Variants in P4HA1 observed in about 807,000 individuals in gnomAD.
The protein encoded by P4HA1 is prolyl 4-hydroxylase subunit alpha 1.
A neutral mutation model predicts 72.8 loss-of-function variants in P4HA1; 24 were observed. The observed-to-expected ratio is 0.33, with a 90% CI of 0.24 to 0.46. The LOEUF is 0.46. Ranked by LOEUF, P4HA1 falls within the 20% of genes least tolerant of loss-of-function variation. The pLI, the probability that P4HA1 is intolerant of heterozygous loss-of-function variation, is 1.00. For missense variants in P4HA1, 446 were observed against 640.6 expected (o/e 0.70, Z 3.28); for synonymous variants, 201 against 218.8 (o/e 0.92, Z 0.72).
At position 73,014,216 on chromosome 10, in the gene P4HA1, C is replaced by A. The variant is rs201349506; in HGVS notation, c.1368+8G>T. ...CAACTTAATCTAAAAATTTTAGTGA[C>A]GACTTACATAAAACAGCCATGTAGC... On this transcript the variant is annotated splice_region_variant and intron_variant, in intron 12 of 14. Coordinates refer to ENST00000394890, the MANE Select transcript of P4HA1 (RefSeq NM_001017962.3). 11 of 1,592,632 alleles carry A rather than the reference C, an allele frequency of 6.9e-6. No homozygotes were observed. In the Admixed American group the frequency reaches 1.5e-4, roughly 22 times the overall value.
chr10:73,081,283 A>G (rs1841817174), intron 1 of P4HA1, among the ~76,000 whole-genome samples: 1 of 152,162 alleles, frequency 6.6e-6, no homozygotes, highest in African/African-American at 2.4e-5. Context: ...AGAAGAGTCA[A>G]AGATCCAAAG....
chr10:73,037,858 C>T (rs556165474), intron 9 of P4HA1, among the ~76,000 whole-genome samples: 1 of 151,568 alleles, frequency 6.6e-6, no homozygotes, highest in South Asian at 2.1e-4. Flanking sequence ...AAAAGCTGAA[C>T]CACTCAAAAC....
chr10:73,071,801 C>G (rs192645289), intron 4 of P4HA1, among the ~76,000 whole-genome samples: 1 of 152,172 alleles, frequency 6.6e-6, no homozygotes, highest in East Asian at 1.9e-4. Flanking sequence ...AATCTATTCA[C>G]TTTTGCAGAT....
At chr10:73,048,525 A>G (rs1840930523) in intron 7 of P4HA1, among the ~76,000 whole-genome samples, 1 of 152,178 alleles carries the variant, frequency 6.6e-6, no homozygotes, top group Non-Finnish European at 1.5e-5. Context: ...TTGGCCTCCC[A>G]AAGTGCTGAG....
At position 73,090,232 on chromosome 10, in the gene P4HA1, A is replaced by T. The variant is rs150188139; in HGVS notation, c.-33+6534T>A. 3.3e-5 allele frequency among the ~76,000 whole-genome samples: 5 copies of T among 152,270 alleles called. No individual in the cohort carries two copies. In the East Asian group the frequency reaches 7.7e-4, roughly 23 times the overall value. ...TTGAAGACTCAACCTCCCCAGCTCA[A>T]GCAATCCTCCTGCCTCGGCCTCCCA... On this transcript the variant is annotated intron_variant, in intron 1 of 14. Transcript: ENST00000394890.
chr10:73,051,120 A>AC lies in P4HA1; in HGVS notation c.832dup (p.Val278GlyfsTer37). 1 of 1,613,870 alleles carries AC rather than the reference A, an allele frequency of 6.2e-7. No homozygotes were observed. The highest frequency in any genetic ancestry group is 8.5e-7 in the Non-Finnish European group (1 of 1,179,940). On this transcript the variant is annotated frameshift_variant, in exon 7 of 15. Coordinates refer to ENST00000394890, the MANE Select transcript of P4HA1 (RefSeq NM_001017962.3). LOFTEE classifies it high-confidence loss of function. ...TCTCTCTGGCAGGTAATCCACAGCA[A>AC]CCCCTTTTTTCTTTGGTGTAGTTTT...
chr10:73,096,548 G>C (rs1001743554), intron 1 of P4HA1, among the ~76,000 whole-genome samples: 8 of 152,234 alleles, frequency 5.3e-5, no homozygotes, highest in Non-Finnish European at 1.2e-4. Context: ...ACAGAGGTGG[G>C]AAGGGGGGCA....
chr10:73,059,444 A>T (rs1841253398), intron 5 of P4HA1, among the ~76,000 whole-genome samples: 3 of 138,524 alleles, frequency 2.2e-5, no homozygotes, highest in African/African-American at 8.1e-5. Context: ...AAAAAAAAAA[A>T]AAAAAAAAAA....
intron 1 of P4HA1, among the ~76,000 whole-genome samples, chr10:73,087,586 G>T (rs1841949361): frequency 1.3e-5 from 2 of 151,802 alleles, no homozygotes; most frequent in Non-Finnish European, 2.9e-5. Flanking sequence ...ACCTTTTGGG[G>T]TGTTTATCTG....
At chr10:73,051,820 T>C (rs1215994205) in intron 6 of P4HA1, among the ~76,000 whole-genome samples, 1 of 152,196 alleles carries the variant, frequency 6.6e-6, no homozygotes. Flanking sequence ...CTGGTGCTTT[T>C]ACTTTGAGAA....
At chr10:73,063,797 T>C (rs1413161999) in intron 5 of P4HA1, among the ~76,000 whole-genome samples, 2 of 152,228 alleles carry the variant, frequency 1.3e-5, no homozygotes, top group Non-Finnish European at 2.9e-5. Context: ...AAAGTATTTC[T>C]GCTTGTCTTA....
intron 3 of P4HA1, among the ~76,000 whole-genome samples, chr10:73,072,729 CAATT>C (rs1309922064): frequency 6.6e-6 from 1 of 152,088 alleles, no homozygotes; most frequent in South Asian, 2.1e-4. Context: ...AAAACTGTAT[CAATT>C]AAATAACACT....
At chr10:73,051,984 C>T (rs1841031212) in intron 6 of P4HA1, among the ~76,000 whole-genome samples, 4 of 152,178 alleles carry the variant, frequency 2.6e-5, no homozygotes, top group Admixed American at 6.5e-5. Flanking sequence ...TCAAAAGCAA[C>T]CTTTACCACA....
intron 10 of P4HA1, 138 bp downstream of exon 10, chr10:73,030,133 T>C: frequency 2.4e-6 from 1 of 421,226 alleles, no homozygotes; most frequent in Admixed American, 4.0e-5. Flanking sequence ...TCACTTTGCA[T>C]GGTTGCAGCT....
At chr10:73,025,169 A>G (rs547915609) in intron 10 of P4HA1, among the ~76,000 whole-genome samples, 1 of 152,322 alleles carries the variant, frequency 6.6e-6, no homozygotes, top group South Asian at 2.1e-4. Context: ...AGCCTGGCAG[A>G]GACACAACAA....
intron 1 of P4HA1, among the ~76,000 whole-genome samples, chr10:73,076,360 G>GT (rs553512800): frequency 0.13 from 17,808 of 135,882 alleles, 1,567 homozygotes; most frequent in East Asian, 0.33. Context: ...CACTGTGCCT[G>GT]TTTTTTTTTT....
chr10:73,085,443 G>C (rs1467728631), intron 1 of P4HA1, among the ~76,000 whole-genome samples: 4 of 151,872 alleles, frequency 2.6e-5, no homozygotes, highest in Admixed American at 2.6e-4. Flanking sequence ...GAGTGCAATG[G>C]CACAATCTCA....
At chr10:73,090,526 G>A (rs565629253) in intron 1 of P4HA1, among the ~76,000 whole-genome samples, 1 of 152,196 alleles carries the variant, frequency 6.6e-6, no homozygotes, top group East Asian at 1.9e-4. Flanking sequence ...TTATCAAATT[G>A]TACACTGTAA....
chr10:73,079,481 C>G (rs750937187), intron 1 of P4HA1, among the ~76,000 whole-genome samples: 1 of 152,170 alleles, frequency 6.6e-6, no homozygotes, highest in South Asian at 2.1e-4. Context: ...GTGGCTCACG[C>G]CTGTAATCCC....
Sources: gnomAD v4.1 joint callset for allele counts (sites outside exome capture counted in the v4.1 genomes callset) on GRCh38, gnomAD v4.1.1 for gene constraint, MANE v1.5 for transcripts, NCBI Gene and HGNC (gene_info 2026-07-23, HGNC 2026-07-21) for gene names.